Variants in TRPM1 observed in about 807,000 individuals in gnomAD.
The protein encoded by TRPM1 is TRPM1-203 APA Isoform, Intron 10.
Under a neutral mutation model 149.4 loss-of-function variants are expected in TRPM1, and 113 were observed. The observed-to-expected ratio is 0.76, with a 90% confidence interval of 0.65 to 0.88. The LOEUF is 0.88. Ranked by LOEUF, TRPM1 falls within the 40% of genes least tolerant of loss-of-function variation. The probability of loss-of-function intolerance (pLI) is 0.00; values close to 1 mark genes in which losing one functional copy is unlikely to be tolerated. For missense variants in TRPM1, 1,976 were observed against 2,038.7 expected (o/e 0.97, Z 0.59); for synonymous variants, 741 against 759.5 (o/e 0.98, Z 0.40).
rs76462945 is a variant in TRPM1 at position 31,090,269 on chromosome 15, A to G, written c.-83-8831T>C. Reference sequence around the variant, plus strand: ...GCTTCCTCACCCTTCAACCAGCTGCATGGTGTTCTCCGGTGTGGCTGTCCC... The same window carrying G: ...GCTTCCTCACCCTTCAACCAGCTGCGTGGTGTTCTCCGGTGTGGCTGTCCC... On this transcript the variant is annotated intron_variant, in intron 1 of 27. Coordinates refer to ENST00000256552, the MANE Select transcript of TRPM1 (RefSeq NM_001252024.2). 1.2e-4 allele frequency among the ~76,000 whole-genome samples: 19 copies of G among 152,188 alleles called. No homozygotes were observed. In the East Asian group the frequency reaches 3.1e-3, roughly 25 times the overall value.
chr15:31,040,072 A>G lies in TRPM1; in HGVS notation c.2316+46T>C. 6.4e-7 allele frequency: 1 copy of G among 1,559,796 alleles called. No individual in the cohort carries two copies. Among genetic ancestry groups the G allele is most frequent in the South Asian group, 1.1e-5 (1 of 90,008 alleles). ...GCTCAGTTCAGCCTGGCAGAGAGTC[A>G]CTTGTCACTGTCACCCTGGCCCGCC... On this transcript the variant is annotated intron_variant, in intron 18 of 27. Transcript: ENST00000256552. This position sits in a 1 kb window ranked among gnomAD's most constrained non-coding sequence, Gnocchi z 4.2.
At position 31,037,753 on chromosome 15, in the gene TRPM1, A is replaced by C; in HGVS notation, c.2529T>G (p.Cys843Trp). ...TGACAATGGGCGCGTTATAGAATTC[A>C]CAGATCTTTGTTCCGATGGGAATAC... ...QRSIPIGTKI[C>W]EFYNAPIVKF... The change falls in exon 20 of 28, where the codon TGT becomes TGG. Residue 843 changes from cysteine (C) to tryptophan (W), a missense_variant. Cys to Trp is a radical substitution (Grantham distance 215, BLOSUM62 -2). Coordinates refer to ENST00000256552, the MANE Select transcript of TRPM1 (RefSeq NM_001252024.2). 1 of 1,614,218 alleles carries C rather than the reference A, an allele frequency of 6.2e-7. No individual in the cohort carries two copies. Among genetic ancestry groups the C allele is most frequent in the Non-Finnish European group, 8.5e-7 (1 of 1,180,036 alleles).
chr15:31,143,554 G>A (rs2036185839), intron 1 of TRPM1, among the ~76,000 whole-genome samples: 1 of 151,978 alleles, frequency 6.6e-6, no homozygotes, highest in African/African-American at 2.4e-5. Flanking sequence ...AGCTAGGACT[G>A]CAGACGTGTC....
chr15:31,040,012 G>T lies in TRPM1; in HGVS notation c.2316+106C>A, dbSNP rs972788664. 3.0e-5 allele frequency: 29 copies of T among 979,776 alleles called. No individual in the cohort carries two copies. Among genetic ancestry groups the T allele is most frequent in the Admixed American group, 5.7e-5 (3 of 52,354 alleles). 60.7% of individuals were successfully genotyped at this position (979,776 alleles called of 1,614,324 possible). A position where few individuals can be genotyped will look rare whatever the true frequency, so the allele number is the denominator to read the frequency against. On this transcript the variant is annotated intron_variant, in intron 18 of 27. Coordinates refer to ENST00000256552, the MANE Select transcript of TRPM1 (RefSeq NM_001252024.2). The surrounding 1 kb of genome is among the most constrained non-coding windows in gnomAD (Gnocchi z 4.2). ...GTCATGGCGTCTCCCTCAGGGGGTT[G>T]CTAGAAGGAATAAATGAAATAAGCC...
chr15:31,125,807 A>C (rs2035944176), intron 1 of TRPM1, among the ~76,000 whole-genome samples: 1 of 151,846 alleles, frequency 6.6e-6, no homozygotes, highest in African/African-American at 2.4e-5. Flanking sequence ...ATATAACTAA[A>C]AAACAGCACC....
chr15:31,104,856 A>G (rs988169611), upstream of TRPM1, among the ~76,000 whole-genome samples: 1 of 151,976 alleles, frequency 6.6e-6, no homozygotes, highest in Non-Finnish European at 1.5e-5. Context: ...GGCCTCCCAA[A>G]GTGCTGGGAT....
intron 20 of TRPM1, among the ~76,000 whole-genome samples, chr15:31,036,940 C>T (rs2033412728): frequency 6.6e-6 from 1 of 152,238 alleles, no homozygotes; most frequent in Admixed American, 6.5e-5. Flanking sequence ...ACCCTGCTCT[C>T]ACCTCATCAC....
chr15:31,062,947 C>A, intron 8 of TRPM1, 171 bp downstream of exon 8: 1 of 1,016,788 alleles, frequency 9.8e-7, no homozygotes, highest in East Asian at 2.6e-5. Context: ...GAACACCCTG[C>A]CTCTGATGGT....
intron 1 of TRPM1, among the ~76,000 whole-genome samples, chr15:31,147,382 AAAATT>A (rs1297029028): frequency 6.6e-6 from 1 of 152,384 alleles, no homozygotes; most frequent in Non-Finnish European, 1.5e-5. Context: ...TCGGGGTTCT[AAAATT>A]AAATTAAATC....
In TRPM1 at chr15:31,011,700, T is replaced by C. The variant is rs903075228; in HGVS notation, c.3630-8630A>G. ...TTTTTTTTGAGATGGAGTGTCACTCTGTTGCCCAGGCTGAAGAGCAGTGGC... is the reference window on the plus strand; with the variant it reads ...TTTTTTTTGAGATGGAGTGTCACTCCGTTGCCCAGGCTGAAGAGCAGTGGC... On this transcript the variant is annotated intron_variant, in intron 27 of 27. Transcript: ENST00000256552. 4.0e-5 allele frequency among the ~76,000 whole-genome samples: 6 copies of C among 150,812 alleles called. No individual in the cohort carries two copies. The South Asian group carries it at 1.3e-3, about 32-fold the overall frequency.
At chr15:31,072,050 G>GAGAT (rs1451626875) in intron 3 of TRPM1, among the ~76,000 whole-genome samples, 2 of 128,464 alleles carry the variant, frequency 1.6e-5, no homozygotes, top group Non-Finnish European at 3.3e-5. Flanking sequence ...GAGAGAGAGA[G>GAGAT]ATTAAATGGT....
At chr15:31,139,459 T>A (rs963435066) in intron 1 of TRPM1, among the ~76,000 whole-genome samples, 4 of 152,210 alleles carry the variant, frequency 2.6e-5, no homozygotes, top group Admixed American at 6.5e-5. Context: ...AAGATCTGCC[T>A]CTGTCTGTGT....
rs1467437097 is a variant in TRPM1, at chr15:31,076,925, A to G, written c.63T>C (p.Pro21=). ...TTTACCTGTTAGAGTCTTTCATGCT[A>G]GGAATTACAAAGATACATTCCCGTT... ...FCKRECIFVI[P]SMKDSNRCCC... is the part of the protein sequence containing the mutation. The change falls in exon 3 of 28, where the codon CCT becomes CCC. Residue 21 remains proline (P), a synonymous_variant. Coordinates refer to ENST00000256552, the MANE Select transcript of TRPM1 (RefSeq NM_001252024.2). 2.5e-6 allele frequency: 4 copies of G among 1,610,934 alleles called. No homozygotes were observed. The highest frequency in any genetic ancestry group is 3.3e-5 in the Admixed American group (2 of 60,018).
intron 1 of TRPM1, among the ~76,000 whole-genome samples, chr15:31,110,898 TCTCTC>T (rs370577936): frequency 0.01 from 1,551 of 151,282 alleles, 34 homozygotes; most frequent in African/African-American, 0.036. Context: ...TCTCTCTCTC[TCTCTC>T]CCCCCCCTTC....
chr15:31,067,703 T>A (rs2034418579), intron 5 of TRPM1, among the ~76,000 whole-genome samples, 176 bp downstream of exon 5: 1 of 152,210 alleles, frequency 6.6e-6, no homozygotes, highest in Non-Finnish European at 1.5e-5. Context: ...TGTTTTTTTT[T>A]AAGAGTCATA....
intron 1 of TRPM1, among the ~76,000 whole-genome samples, chr15:31,096,857 G>A (rs1262624215): frequency 6.6e-6 from 1 of 152,140 alleles, no homozygotes; most frequent in African/African-American, 2.4e-5. Flanking sequence ...GGGCATCTGG[G>A]GACCCAAGCC....
rs555824371 is a variant in TRPM1, at chr15:31,034,197, G to A, written c.2701-1257C>T. On this transcript the variant is annotated intron_variant, in intron 21 of 27. Coordinates refer to ENST00000256552, the MANE Select transcript of TRPM1 (RefSeq NM_001252024.2). ...AATGATATTGGAAAGGGAAGTATCCGGCCTATCTTTCCTCTGCTGTCTGCA... is the reference window on the plus strand; with the variant it reads ...AATGATATTGGAAAGGGAAGTATCCAGCCTATCTTTCCTCTGCTGTCTGCA... Among the ~76,000 whole-genome samples, 26 of 152,252 alleles carry A rather than the reference G, an allele frequency of 1.7e-4. 1 individual carries two copies. The South Asian group carries it at 5.0e-3, about 29-fold the overall frequency.
chr15:31,042,387 G>T (rs2033648245), intron 16 of TRPM1, 144 bp from the exon 17 acceptor site: 11 of 823,354 alleles, frequency 1.3e-5, no homozygotes, highest in Middle Eastern at 3.5e-4. Context: ...CTCCGCATAT[G>T]AATTCTTTTG....
At chr15:31,034,740 C>T (rs973842684) in intron 21 of TRPM1, among the ~76,000 whole-genome samples, 1 of 152,240 alleles carries the variant, frequency 6.6e-6, no homozygotes, top group African/African-American at 2.4e-5. Context: ...TCTCTTGTAT[C>T]TCTCTTTCTC....
Sources: allele counts gnomAD v4.1 joint callset (sites outside exome capture counted in the v4.1 genomes callset), GRCh38; gene constraint gnomAD v4.1.1; non-coding constraint Gnocchi (gnomAD v3.1); transcripts MANE v1.5; gene names NCBI Gene and HGNC (gene_info 2026-07-23, HGNC 2026-07-21).